PLEKHA7: variants seen among roughly 807,000 people sequenced by gnomAD.
PLEKHA7 encodes pleckstrin homology domain-containing family A member 7.
In PLEKHA7, 104 loss-of-function variants were observed where a neutral mutation model predicts 170.0. The observed-to-expected ratio is 0.61, with a 90% confidence interval of 0.52 to 0.72. The LOEUF (loss-of-function observed/expected upper bound fraction) is 0.72. Among genes scored for constraint, PLEKHA7 ranks in the 30% least tolerant of loss-of-function variants. The probability of loss-of-function intolerance (pLI) is 0.00; values close to 1 mark genes in which losing one functional copy is unlikely to be tolerated. For missense variants in PLEKHA7, 1,615 were observed against 1,671.7 expected (o/e 0.97, Z 0.59); for synonymous variants, 648 against 660.8 (o/e 0.98, Z 0.30).
chr11:16,952,751 G>C (rs1362296696), intron 3 of PLEKHA7, among the ~76,000 whole-genome samples: 1 of 152,110 alleles, frequency 6.6e-6, no homozygotes, highest in Non-Finnish European at 1.5e-5. Flanking sequence ...TGTTTCAATG[G>C]ACATTTCCTT....
At chr11:16,805,747 G>A (rs1245369411) in intron 13 of PLEKHA7, among the ~76,000 whole-genome samples, 12 of 145,104 alleles carry the variant, frequency 8.3e-5, no homozygotes, top group African/African-American at 2.1e-4. Context: ...TTGAGATTGC[G>A]CCACTGCACT....
At chr11:16,880,447 C>T (rs1478186290) in intron 3 of PLEKHA7, among the ~76,000 whole-genome samples, 3 of 152,242 alleles carry the variant, frequency 2.0e-5, no homozygotes, top group Admixed American at 2.0e-4. Context: ...CTTCAACCTT[C>T]AGTGCCTGCT....
rs1188865884 is a variant in PLEKHA7, at chr11:16,777,516, T to C, written c.*1482A>G. The C allele has an allele frequency of 6.6e-6, 1 of 152,164 alleles. No individual in the cohort carries two copies. Among genetic ancestry groups the C allele is most frequent in the Non-Finnish European group, 1.5e-5 (1 of 68,034 alleles). 9.4% of individuals were successfully genotyped at this position (152,164 alleles called of 1,614,324 possible). On this transcript the variant is annotated 3_prime_UTR_variant, in exon 27 of 27. Coordinates refer to ENST00000531066, the MANE Select transcript of PLEKHA7 (RefSeq NM_001329630.2). Reference sequence around the variant, plus strand: ...CTGCTAGATATATTCAAAATTCTATTTTTTTTTCTGAGCATAGTCAAAGAG... The same window carrying C: ...CTGCTAGATATATTCAAAATTCTATCTTTTTTTCTGAGCATAGTCAAAGAG...
chr11:16,952,298 A>AG (rs1861452688), intron 3 of PLEKHA7, among the ~76,000 whole-genome samples: 3 of 152,278 alleles, frequency 2.0e-5, no homozygotes, highest in African/African-American at 7.2e-5. Flanking sequence ...GGGGAAAGGG[A>AG]GGTGATCCTA....
In PLEKHA7 at chr11:16,975,114, GTGTGCCCCACC is replaced by G; in HGVS notation, c.221+38864_221+38874del. Reference sequence around the variant, plus strand: ...GATTTCATCACATGCATACATTCATGTGTGCCCCACCACAATCAGGACACAGGACAGTTCCA... The same window carrying G: ...GATTTCATCACATGCATACATTCATGACAATCAGGACACAGGACAGTTCCA... On this transcript the variant is annotated intron_variant, in intron 3 of 26. Transcript: ENST00000531066. The G allele has an allele frequency of 7.9e-6, 4 of 505,526 alleles. 1 individual carries two copies. Among genetic ancestry groups the G allele is most frequent in the Non-Finnish European group, 5.9e-6 (2 of 341,096 alleles). 31.3% of individuals were successfully genotyped at this position (505,526 alleles called of 1,614,324 possible).
intron 8 of PLEKHA7, among the ~76,000 whole-genome samples, chr11:16,842,770 G>A (rs1243369755): frequency 6.6e-6 from 1 of 152,120 alleles, no homozygotes; most frequent in Admixed American, 6.6e-5. Context: ...ATAAGAAGAT[G>A]ATGTGAAAAG....
At chr11:16,811,504 TG>T (rs1205519620) in intron 13 of PLEKHA7, among the ~76,000 whole-genome samples, 2 of 152,118 alleles carry the variant, frequency 1.3e-5, no homozygotes, top group African/African-American at 4.8e-5. Context: ...TGGGGGCTGC[TG>T]GATCTCTCTC....
chr11:16,854,125 C>A (rs149006251), intron 6 of PLEKHA7, among the ~76,000 whole-genome samples: 3 of 152,230 alleles, frequency 2.0e-5, no homozygotes, highest in Admixed American at 6.5e-5. Flanking sequence ...AGGCACTTTG[C>A]AGAATGGATG....
At chr11:16,925,832 C>G (rs755590388) in intron 3 of PLEKHA7, among the ~76,000 whole-genome samples, 1 of 152,252 alleles carries the variant, frequency 6.6e-6, no homozygotes, top group Non-Finnish European at 1.5e-5. Context: ...TGCTGCCGTT[C>G]GGCCAGGACG....
intron 3 of PLEKHA7, among the ~76,000 whole-genome samples, chr11:16,951,673 T>C (rs1316809254): frequency 6.6e-6 from 1 of 152,056 alleles, no homozygotes; most frequent in East Asian, 1.9e-4. Context: ...CAAAACCATA[T>C]GGGAAAGGAG....
At chr11:16,852,453 T>A in intron 6 of PLEKHA7, 98 bp from the exon 7 acceptor site, 1 of 945,774 alleles carries the variant, frequency 1.1e-6, no homozygotes, top group Non-Finnish European at 1.6e-6. Context: ...TATTTGCCCA[T>A]ATTCACTCTT....
chr11:16,788,085 CTGTCCAGG>C (rs1383333974), intron 23 of PLEKHA7: 5 of 152,518 alleles, frequency 3.3e-5, no homozygotes, highest in African/African-American at 1.2e-4. Context: ...TCCCTGTCTA[CTGTCCAGG>C]TGTAAAGCAT....
chr11:16,897,046 G>T (rs1415242788), intron 3 of PLEKHA7, among the ~76,000 whole-genome samples: 4 of 152,122 alleles, frequency 2.6e-5, no homozygotes, highest in Non-Finnish European at 5.9e-5. Context: ...ACAGCCAGTG[G>T]ATTAGAATGT....
chr11:16,818,478 G>C (rs1297396503), intron 10 of PLEKHA7, among the ~76,000 whole-genome samples: 1 of 152,148 alleles, frequency 6.6e-6, no homozygotes, highest in Non-Finnish European at 1.5e-5. Context: ...TAGGATGCTG[G>C]CTCATGCCTT....
intron 10 of PLEKHA7, among the ~76,000 whole-genome samples, chr11:16,823,386 C>CA (rs2134877552): frequency 6.6e-6 from 1 of 152,224 alleles, no homozygotes; most frequent in South Asian, 2.1e-4. Context: ...CGTTGGGCCT[C>CA]AAATGATCAA....
At chr11:16,837,600 AAAAGT>A (rs1416566667) in intron 9 of PLEKHA7, among the ~76,000 whole-genome samples, 1 of 152,254 alleles carries the variant, frequency 6.6e-6, no homozygotes, top group Non-Finnish European at 1.5e-5. Flanking sequence ...CAATGGCAGA[AAAAGT>A]AAAGTCTAGA....
chr11:16,976,490 G>C (rs1287741418), intron 3 of PLEKHA7, among the ~76,000 whole-genome samples: 5 of 152,214 alleles, frequency 3.3e-5, no homozygotes, highest in Non-Finnish European at 2.9e-5. Flanking sequence ...GGTGTGGTAC[G>C]GGGCCAGAAT....
At chr11:16,881,487 C>G (rs73425221) in intron 3 of PLEKHA7, 18 of 152,216 alleles carry the variant, frequency 1.2e-4, no homozygotes, top group African/African-American at 3.6e-4. Flanking sequence ...CTCCACCCCC[C>G]ACACAAAATC....
intron 5 of PLEKHA7, among the ~76,000 whole-genome samples, chr11:16,855,263 G>A (rs1165021730): frequency 6.6e-6 from 1 of 152,192 alleles, no homozygotes; most frequent in East Asian, 1.9e-4. Flanking sequence ...AGCAGCAGCT[G>A]TTGGCTGTAA....
Sources: allele counts gnomAD v4.1 joint callset (sites outside exome capture counted in the v4.1 genomes callset), GRCh38; gene constraint gnomAD v4.1.1; transcripts MANE v1.5; gene names NCBI Gene and HGNC (gene_info 2026-07-23, HGNC 2026-07-21).